SLC44A5: variants seen among roughly 807,000 people sequenced by gnomAD.
SLC44A5 encodes choline transporter-like protein 5.
A neutral mutation model predicts 101.8 loss-of-function variants in SLC44A5; 57 were observed. The observed-to-expected ratio is 0.56, with a 90% CI of 0.45 to 0.70. The LOEUF (loss-of-function observed/expected upper bound fraction) is 0.70, where lower values mean the gene tolerates loss of function less well. Ranked by LOEUF, SLC44A5 falls within the 30% of genes least tolerant of loss-of-function variation. The probability of loss-of-function intolerance (pLI) is 0.00; values close to 1 mark genes in which losing one functional copy is unlikely to be tolerated. For synonymous variants in SLC44A5, 281 were observed against 290.9 expected, an observed-to-expected ratio of 0.97 and a Z score of 0.35; for missense variants, 737 against 853.1, an observed-to-expected ratio of 0.86 and a Z score of 1.70.
intron 3 of SLC44A5, among the ~76,000 whole-genome samples, chr1:75,391,250 A>G (rs1661766830): frequency 6.6e-6 from 1 of 152,214 alleles, no homozygotes; most frequent in Non-Finnish European, 1.5e-5. Context: ...GATTGGAAGA[A>G]TCAATATTGT....
intron 2 of SLC44A5, among the ~76,000 whole-genome samples, chr1:75,414,319 C>CCACA (rs1663487647): frequency 8.1e-6 from 1 of 122,772 alleles, no homozygotes; most frequent in Non-Finnish European, 1.7e-5. Context: ...ACATACATAT[C>CCACA]CACATACACA....
At chr1:75,383,794 G>C (rs530092863) in intron 3 of SLC44A5, among the ~76,000 whole-genome samples, 2,022 of 151,990 alleles carry the variant, frequency 0.013, 50 homozygotes, top group African/African-American at 0.046. Flanking sequence ...AAATGTTAAG[G>C]GCAGCCAGAG....
intron 13 of SLC44A5, among the ~76,000 whole-genome samples, chr1:75,224,426 A>AT (rs1647154334): frequency 6.6e-6 from 1 of 152,238 alleles, no homozygotes; most frequent in Non-Finnish European, 1.5e-5. Flanking sequence ...GGAATATTCC[A>AT]GAAGAAGGCA....
chr1:75,618,040 C>T, the SLC44A5 span, among the ~76,000 whole-genome samples: 1 of 152,158 alleles, frequency 6.6e-6, no homozygotes, highest in Non-Finnish European at 1.5e-5. Flanking sequence ...CCCACAGCTT[C>T]GGTGTAACTC....
At chr1:75,318,823 G>A (rs1314062195) in intron 4 of SLC44A5, among the ~76,000 whole-genome samples, 2 of 152,086 alleles carry the variant, frequency 1.3e-5, no homozygotes, top group Non-Finnish European at 2.9e-5. Context: ...CTTCTATGGA[G>A]AACTGAGCAC....
intron 1 of SLC44A5, among the ~76,000 whole-genome samples, chr1:75,561,896 G>T (rs1331318471): frequency 6.6e-6 from 1 of 151,808 alleles, no homozygotes; most frequent in African/African-American, 2.4e-5. Context: ...AGATGCAGTT[G>T]TACTTTTTAT....
At chr1:75,523,325 T>A (rs911717529) in intron 2 of SLC44A5, among the ~76,000 whole-genome samples, 1 of 152,162 alleles carries the variant, frequency 6.6e-6, no homozygotes, top group African/African-American at 2.4e-5. Flanking sequence ...GAGCAAGAAA[T>A]ATCTACCATT....
intron 2 of SLC44A5, among the ~76,000 whole-genome samples, chr1:75,497,154 A>G (rs1265804960): frequency 1.3e-5 from 2 of 152,148 alleles, no homozygotes; most frequent in African/African-American, 4.8e-5. Context: ...AAAGGCAATG[A>G]TATCAATATG....
chr1:75,383,777 A>C (rs1661084232), intron 3 of SLC44A5, among the ~76,000 whole-genome samples: 1 of 152,056 alleles, frequency 6.6e-6, no homozygotes. Context: ...AGTTGAAATG[A>C]AGGAAAAAAT....
At chr1:75,302,698 T>A (rs1654587182) in intron 4 of SLC44A5, among the ~76,000 whole-genome samples, 1 of 152,204 alleles carries the variant, frequency 6.6e-6, no homozygotes, top group Non-Finnish European at 1.5e-5. Flanking sequence ...ATATGCCGCA[T>A]CACTACTCCT....
At chr1:75,641,969 G>C in the SLC44A5 span, 2 of 1,589,992 alleles carry the variant, frequency 1.3e-6, no homozygotes, top group East Asian at 2.2e-5. Flanking sequence ...CTGCCTTTCT[G>C]GTGGAGAATC....
At chr1:75,303,324 C>A (rs910999757) in intron 4 of SLC44A5, among the ~76,000 whole-genome samples, 1 of 152,184 alleles carries the variant, frequency 6.6e-6, no homozygotes, top group Non-Finnish European at 1.5e-5. Context: ...CAACCTCCGA[C>A]TCCCTGGTTC....
intron 6 of SLC44A5, among the ~76,000 whole-genome samples, chr1:75,257,751 T>C (rs1199879683): frequency 6.6e-6 from 1 of 152,062 alleles, no homozygotes; most frequent in African/African-American, 2.4e-5. Context: ...AACAGCAAGG[T>C]GGCTGGCAAG....
Position 75,238,606 on chromosome 1 carries a change from G to T in SLC44A5, c.563C>A (p.Thr188Asn). Residue 188 changes from threonine to asparagine, a missense_variant, in exon 10 of 24, where the codon ACC becomes AAC. Around this residue, in one of 3 missense-constraint regions of SLC44A5, gnomAD observed 665 missense variants for 764.4 expected, o/e 0.87. Transcript: ENST00000370859. ...TCCTATTGTTAAAGTGCCATTTTTG[G>T]TAGAGAAGTCAGGGAAACATCTCTG... Reference protein sequence around the residue: ...FLQRCFPDFSTKNGTLTIGSK... With the variant: ...FLQRCFPDFSNKNGTLTIGSK... 1 of 1,577,608 alleles carries T rather than the reference G, an allele frequency of 6.3e-7. No individual in the cohort carries two copies. Among genetic ancestry groups the T allele is most frequent in the South Asian group, 1.2e-5 (1 of 86,680 alleles).
At chr1:75,392,414 A>G (rs1186910063) in intron 3 of SLC44A5, among the ~76,000 whole-genome samples, 1 of 152,230 alleles carries the variant, frequency 6.6e-6, no homozygotes, top group East Asian at 1.9e-4. Flanking sequence ...GCTTCACATC[A>G]TGCATCATCA....
At chr1:75,225,036 A>G (rs768710634) in intron 13 of SLC44A5, among the ~76,000 whole-genome samples, 12 of 152,226 alleles carry the variant, frequency 7.9e-5, no homozygotes, top group Non-Finnish European at 1.8e-4. Context: ...ACAGTAGTGT[A>G]CAGTAATTCT....
At chr1:75,210,536 C>A (rs1646833544) in intron 23 of SLC44A5, among the ~76,000 whole-genome samples, 3 of 152,286 alleles carry the variant, frequency 2.0e-5, no homozygotes, top group African/African-American at 7.2e-5. Flanking sequence ...TTGTGATGCA[C>A]AGTGCGAATT....
chr1:75,272,739 T>C (rs754613947), intron 6 of SLC44A5, among the ~76,000 whole-genome samples: 8 of 152,188 alleles, frequency 5.3e-5, no homozygotes, highest in Non-Finnish European at 1.0e-4. Context: ...TTCTTTTCCA[T>C]TGGTCTATGT....
chr1:75,291,127 T>G (rs1237272845), intron 5 of SLC44A5, among the ~76,000 whole-genome samples: 2 of 152,224 alleles, frequency 1.3e-5, no homozygotes, highest in Admixed American at 6.5e-5. Context: ...TTTGACTTTT[T>G]GCTGATTACT....
Sources: allele counts gnomAD v4.1 joint callset (sites outside exome capture counted in the v4.1 genomes callset), GRCh38; gene constraint gnomAD v4.1.1; regional missense constraint gnomAD v4.1.1; transcripts MANE v1.5; gene names NCBI Gene and HGNC (gene_info 2026-07-23, HGNC 2026-07-21).